AIG1: variants seen among roughly 807,000 people sequenced by gnomAD.
AIG1 encodes the protein androgen induced 1.
Under a neutral mutation model 31.4 loss-of-function variants are expected in AIG1, and 23 were observed. The observed-to-expected ratio is 0.73, with a 90% CI of 0.53 to 1.04. AIG1 has a LOEUF of 1.04. AIG1 is among the 50% of genes least tolerant of loss of function. The pLI, the probability that AIG1 is intolerant of heterozygous loss-of-function variation, is 0.00. For synonymous variants in AIG1, 100 were observed against 110.5 expected (o/e 0.90, Z 0.60); for missense variants, 274 against 295.0 (o/e 0.93, Z 0.52).
chr6:143,139,800 CTATT>C (rs1344735012), intron 2 of AIG1, among the ~76,000 whole-genome samples: 1 of 152,098 alleles, frequency 6.6e-6, no homozygotes, highest in African/African-American at 2.4e-5. Flanking sequence ...TGTTTTGTAT[CTATT>C]TATGCAATTT....
chr6:143,316,452 T>C (rs1775745757), intron 4 of AIG1, among the ~76,000 whole-genome samples: 1 of 152,046 alleles, frequency 6.6e-6, no homozygotes, highest in South Asian at 2.1e-4. Flanking sequence ...AGGTTTCTGC[T>C]GAGAAATCTG....
At chr6:143,171,394 G>A (rs1787506866) in intron 3 of AIG1, among the ~76,000 whole-genome samples, 1 of 133,980 alleles carries the variant, frequency 7.5e-6, no homozygotes, top group Admixed American at 8.2e-5. Flanking sequence ...TGGCTGCGTA[G>A]TATTCAATAG....
At chr6:143,110,491 G>A (rs556791448) in intron 1 of AIG1, among the ~76,000 whole-genome samples, 5 of 152,206 alleles carry the variant, frequency 3.3e-5, no homozygotes, top group African/African-American at 1.2e-4. Flanking sequence ...GTAAAGTTTT[G>A]GGTTTTCTTT....
At chr6:143,194,390 C>G (rs1213480132) in intron 3 of AIG1, among the ~76,000 whole-genome samples, 2 of 152,196 alleles carry the variant, frequency 1.3e-5, no homozygotes, top group Non-Finnish European at 2.9e-5. Flanking sequence ...AGTTCCCTCC[C>G]TCGACACGTA....
chr6:143,339,380 G>A (rs1327763375), intron 5 of AIG1: 1 of 307,328 alleles, frequency 3.3e-6, no homozygotes, highest in African/African-American at 2.2e-5. Context: ...GAGGCCATAG[G>A]AGCTGGGTGT....
At chr6:143,154,018 AG>A (rs1785487524) in intron 2 of AIG1, among the ~76,000 whole-genome samples, 1 of 151,784 alleles carries the variant, frequency 6.6e-6, no homozygotes. Flanking sequence ...TGGGAGGCCA[AG>A]GCTGGAGGAT....
intron 3 of AIG1, among the ~76,000 whole-genome samples, chr6:143,255,768 A>C (rs1309548898): frequency 6.6e-6 from 1 of 152,194 alleles, no homozygotes; most frequent in Non-Finnish European, 1.5e-5. Flanking sequence ...AGGGGATTCT[A>C]AAAGATAGGA....
At chr6:143,209,507 A>C (rs1791421779) in intron 3 of AIG1, among the ~76,000 whole-genome samples, 2 of 152,166 alleles carry the variant, frequency 1.3e-5, no homozygotes, top group Non-Finnish European at 2.9e-5. Flanking sequence ...TGTCAGAGTA[A>C]TATGATGTAA....
rs757459929 is a variant in AIG1, at chr6:143,258,264, A to G, written c.400-25846A>G. On this transcript the variant is annotated intron_variant, in intron 3 of 5. Transcript: ENST00000357847. The surrounding 1 kb of genome is among the most constrained non-coding windows in gnomAD (Gnocchi z 4.7). ...CTCATCTGTCACTAAATGGGAGACTATTGATTGTGGCTGAACAAATTCAAA... is the reference window on the plus strand; with the variant it reads ...CTCATCTGTCACTAAATGGGAGACTGTTGATTGTGGCTGAACAAATTCAAA... Among the ~76,000 whole-genome samples, 6 of 152,248 alleles carry G rather than the reference A, an allele frequency of 3.9e-5. No individual in the cohort carries two copies. The highest frequency in any genetic ancestry group is 8.8e-5 in the Non-Finnish European group (6 of 68,048).
chr6:143,164,013 T>G (rs1786675944), intron 2 of AIG1, among the ~76,000 whole-genome samples: 1 of 152,124 alleles, frequency 6.6e-6, no homozygotes, highest in South Asian at 2.1e-4. Flanking sequence ...CACTTTAATC[T>G]CTTGCATTCT....
intron 4 of AIG1, among the ~76,000 whole-genome samples, chr6:143,296,493 C>T (rs537960834): frequency 6.6e-6 from 1 of 152,182 alleles, no homozygotes; most frequent in Non-Finnish European, 1.5e-5. Flanking sequence ...TGAGCATCTT[C>T]ACAGGGACCC....
At chr6:143,211,948 G>A (rs1004051088) in intron 3 of AIG1, among the ~76,000 whole-genome samples, 1 of 151,902 alleles carries the variant, frequency 6.6e-6, no homozygotes, top group Admixed American at 6.6e-5. Flanking sequence ...CTTTCCTGTG[G>A]TATCCTACTT....
At position 143,231,541 on chromosome 6, in the gene AIG1, T is replaced by C. The variant is rs1051001630; in HGVS notation, c.400-52569T>C. On this transcript the variant is annotated intron_variant, in intron 3 of 5. Coordinates refer to ENST00000357847, the MANE Select transcript of AIG1 (RefSeq NM_016108.4). ...GGCTGAGGGAGCATGGGCATAGCTATAGACCAGTAACGTCCAGCAGAAATA... is the reference window on the plus strand; with the variant it reads ...GGCTGAGGGAGCATGGGCATAGCTACAGACCAGTAACGTCCAGCAGAAATA... Among the ~76,000 whole-genome samples, 4 of 152,176 alleles carry C rather than the reference T, an allele frequency of 2.6e-5. No homozygotes were observed. In the South Asian group the frequency reaches 6.2e-4, roughly 24 times the overall value.
At chr6:143,202,821 G>C (rs1229442977) in intron 3 of AIG1, among the ~76,000 whole-genome samples, 1 of 152,154 alleles carries the variant, frequency 6.6e-6, no homozygotes, top group Admixed American at 6.5e-5. Flanking sequence ...AGGAGTGGAA[G>C]GCCGCAATCA....
chr6:143,313,370 C>T (rs183576185), intron 4 of AIG1, among the ~76,000 whole-genome samples: 28 of 152,200 alleles, frequency 1.8e-4, no homozygotes, highest in Admixed American at 1.8e-3. Flanking sequence ...TACTACTCAG[C>T]CATGAAAAGA....
chr6:143,155,762 CAT>C (rs1014276082), intron 2 of AIG1, among the ~76,000 whole-genome samples: 3 of 152,122 alleles, frequency 2.0e-5, no homozygotes, highest in African/African-American at 7.2e-5. Context: ...GGAAGCCACA[CAT>C]AGTCTGGTGA....
At chr6:143,231,719 T>C (rs908789478) in intron 3 of AIG1, among the ~76,000 whole-genome samples, 2 of 152,242 alleles carry the variant, frequency 1.3e-5, no homozygotes, top group African/African-American at 4.8e-5. Flanking sequence ...AAAGATATTT[T>C]ACATGCTTTA....
At chr6:143,191,861 G>A (rs978036518) in intron 3 of AIG1, among the ~76,000 whole-genome samples, 2 of 152,202 alleles carry the variant, frequency 1.3e-5, no homozygotes, top group South Asian at 2.1e-4. Flanking sequence ...ATGAATTTGG[G>A]TTTCAAAAGT....
At chr6:143,324,411 A>G (rs1017091972) in intron 4 of AIG1, among the ~76,000 whole-genome samples, 1 of 152,218 alleles carries the variant, frequency 6.6e-6, no homozygotes, top group African/African-American at 2.4e-5. Context: ...TCAGTGGGAA[A>G]AAAACTTTAC....
Sources: gnomAD v4.1 joint callset for allele counts (sites outside exome capture counted in the v4.1 genomes callset) on GRCh38, gnomAD v4.1.1 for gene constraint, Gnocchi (gnomAD v3.1) non-coding constraint, MANE v1.5 for transcripts, NCBI Gene and HGNC (gene_info 2026-07-23, HGNC 2026-07-21) for gene names.